Variants in KLRG1 observed in about 807,000 individuals in gnomAD.
KLRG1 encodes killer cell lectin-like receptor subfamily G member 1.
In KLRG1, 16 loss-of-function variants were observed where a neutral mutation model predicts 21.8. The observed-to-expected ratio is 0.73, with a 90% confidence interval of 0.50 to 1.11. The LOEUF (loss-of-function observed/expected upper bound fraction) is 1.11, where lower values mean the gene tolerates loss of function less well. Among genes scored for constraint, KLRG1 ranks in the 50% most tolerant of loss-of-function variants. KLRG1 has a pLI of 0.00. For missense variants in KLRG1, 173 were observed against 218.3 expected (o/e 0.79, Z 1.31); for synonymous variants, 69 against 75.9 (o/e 0.91, Z 0.47).
At chr12:9,003,367 A>G (rs1224462383) in intron 3 of KLRG1, among the ~76,000 whole-genome samples, 1 of 151,950 alleles carries the variant, frequency 6.6e-6, no homozygotes, top group Non-Finnish European at 1.5e-5. Flanking sequence ...TTAGCTTACA[A>G]TTTTTGATTT....
chr12:9,104,058 T>A, the KLRG1 span, among the ~76,000 whole-genome samples: 2 of 152,346 alleles, frequency 1.3e-5, no homozygotes, highest in South Asian at 4.1e-4. Flanking sequence ...CCCGCACTTT[T>A]AATCACAATA....
chr12:9,049,260 G>T, the KLRG1 span, among the ~76,000 whole-genome samples: 1 of 152,034 alleles, frequency 6.6e-6, no homozygotes, highest in Non-Finnish European at 1.5e-5. Flanking sequence ...TATCCTCTGG[G>T]CCCACAATGT....
the KLRG1 span, chr12:9,194,246 A>G: frequency 6.2e-7 from 1 of 1,613,474 alleles, no homozygotes. Flanking sequence ...CACCTAAAGA[A>G]GAAAAGTACT....
chr12:9,101,256 C>G, the KLRG1 span: 1 of 1,523,478 alleles, frequency 6.6e-7, no homozygotes. Context: ...AGAGAACACG[C>G]TTCAGTCTCA....
At chr12:9,171,216 C>T in the KLRG1 span, among the ~76,000 whole-genome samples, 12 of 152,276 alleles carry the variant, frequency 7.9e-5, no homozygotes, top group East Asian at 2.1e-3. Context: ...GAAACCAAAG[C>T]AACTGGGGTC....
chr12:9,071,065 C>T, the KLRG1 span, among the ~76,000 whole-genome samples: 2 of 151,980 alleles, frequency 1.3e-5, no homozygotes, highest in Non-Finnish European at 2.9e-5. Flanking sequence ...GGTAATCTGC[C>T]CGCCTTGGCC....
chr12:9,192,271 C>G, the KLRG1 span: 2 of 1,612,920 alleles, frequency 1.2e-6, no homozygotes, highest in African/African-American at 2.7e-5. Context: ...AATGAAAAAA[C>G]AGTGAAGGAA....
the KLRG1 span, among the ~76,000 whole-genome samples, chr12:9,159,580 T>A: frequency 6.6e-6 from 1 of 152,006 alleles, no homozygotes; most frequent in Non-Finnish European, 1.5e-5. Flanking sequence ...ACAGTTGGAC[T>A]GGTGGCTTCA....
chr12:9,177,009 G>A, the KLRG1 span, among the ~76,000 whole-genome samples: 1 of 152,286 alleles, frequency 6.6e-6, no homozygotes, highest in South Asian at 2.1e-4. Context: ...TATTTTACAT[G>A]TGAGAGCTCA....
At chr12:8,998,684 G>T (rs1055673255) in intron 3 of KLRG1, among the ~76,000 whole-genome samples, 1 of 110,846 alleles carries the variant, frequency 9.0e-6, no homozygotes, top group African/African-American at 3.8e-5. Context: ...GCGAGACTCT[G>T]TCTCAAAAAA....
the KLRG1 span, among the ~76,000 whole-genome samples, chr12:9,053,396 A>T: frequency 6.6e-6 from 1 of 152,228 alleles, no homozygotes; most frequent in Non-Finnish European, 1.5e-5. Context: ...TGTGAAGTAG[A>T]TGATAATCAT....
chr12:9,152,167 G>T, the KLRG1 span: 1 of 1,254,918 alleles, frequency 8.0e-7, no homozygotes, highest in Non-Finnish European at 1.2e-6. Flanking sequence ...TCTTAGTTTG[G>T]GGATACAGAA....
the KLRG1 span, among the ~76,000 whole-genome samples, chr12:9,035,005 T>C: frequency 6.6e-6 from 1 of 152,060 alleles, no homozygotes; most frequent in African/African-American, 2.4e-5. Context: ...GTGTCTTAGT[T>C]TTTAACAAAG....
the KLRG1 span, among the ~76,000 whole-genome samples, chr12:9,156,621 G>A: frequency 6.6e-6 from 1 of 152,122 alleles, no homozygotes; most frequent in African/African-American, 2.4e-5. Context: ...CTATTATATT[G>A]GTTTTAGCAA....
At chr12:9,057,047 C>T in the KLRG1 span, among the ~76,000 whole-genome samples, 17 of 152,064 alleles carry the variant, frequency 1.1e-4, no homozygotes, top group Admixed American at 2.0e-4. Context: ...TTATTTTGCA[C>T]GACTGATAGG....
At chr12:9,135,211 C>G in the KLRG1 span, 3 of 242,844 alleles carry the variant, frequency 1.2e-5, no homozygotes, top group East Asian at 1.1e-4. Flanking sequence ...GAACTGCTGA[C>G]AGAACATTAT....
chr12:8,983,504 G>T (rs868023112), intron 1 of KLRG1, among the ~76,000 whole-genome samples: 1 of 147,658 alleles, frequency 6.8e-6, no homozygotes, highest in Non-Finnish European at 1.5e-5. Context: ...GGGTTCAAGC[G>T]ATTCTCCTGC....
chr12:8,951,050 AT>A (rs1162756768), intron 1 of KLRG1, among the ~76,000 whole-genome samples: 4 of 152,080 alleles, frequency 2.6e-5, no homozygotes, highest in East Asian at 3.9e-4. Flanking sequence ...AAAAAATTAA[AT>A]TTTTTTCTTC....
chr12:9,209,514 A>T, the KLRG1 span, among the ~76,000 whole-genome samples: 1 of 152,128 alleles, frequency 6.6e-6, no homozygotes, highest in African/African-American at 2.4e-5. Flanking sequence ...AAAATTAAAC[A>T]CTTGCCAAGT....
Sources: allele counts gnomAD v4.1 joint callset (sites outside exome capture counted in the v4.1 genomes callset), GRCh38; gene constraint gnomAD v4.1.1; transcripts MANE v1.5; gene names NCBI Gene and HGNC (gene_info 2026-07-23, HGNC 2026-07-21).